Variants in RPS6KC1 observed in about 807,000 individuals in gnomAD.
RPS6KC1 encodes the protein ribosomal protein S6 kinase C1, also known as inactive ribosomal protein S6 kinase delta-1.
In RPS6KC1, 54 loss-of-function variants were observed where a neutral mutation model predicts 103.8. The ratio of observed to expected loss-of-function variants is 0.52; its 90% CI spans 0.42 to 0.65. The LOEUF is 0.65. Ranked by LOEUF, RPS6KC1 falls within the 30% of genes least tolerant of loss-of-function variation. The pLI, the probability that RPS6KC1 is intolerant of heterozygous loss-of-function variation, is 0.00. For synonymous variants in RPS6KC1, 439 were observed against 438.7 expected (o/e 1.00, Z -0.01); for missense variants, 1,151 against 1,253.8 (o/e 0.92, Z 1.24).
the RPS6KC1 span, among the ~76,000 whole-genome samples, chr1:213,808,647 G>A: frequency 2.0e-5 from 3 of 152,344 alleles, no homozygotes; most frequent in South Asian, 6.2e-4. Flanking sequence ...GCAGTATTTG[G>A]GTGGGAGTGA....
chr1:213,516,204 A>G, the RPS6KC1 span, among the ~76,000 whole-genome samples: 4 of 152,070 alleles, frequency 2.6e-5, no homozygotes, highest in Non-Finnish European at 5.9e-5. Flanking sequence ...CTCTTTTCCT[A>G]ATTGAATACC....
intron 12 of RPS6KC1, among the ~76,000 whole-genome samples, chr1:213,246,897 A>C (rs2094463193): frequency 3.3e-5 from 5 of 152,152 alleles, no homozygotes; most frequent in Admixed American, 3.3e-4. Context: ...CTCTTAAAGA[A>C]AAATACAAGA....
chr1:213,424,161 A>G, the RPS6KC1 span, among the ~76,000 whole-genome samples: 2 of 152,232 alleles, frequency 1.3e-5, no homozygotes, highest in African/African-American at 2.4e-5. Context: ...GGCAAGACCA[A>G]TTGAAGTGAG....
At chr1:213,169,763 A>T (rs533506788) in intron 7 of RPS6KC1, among the ~76,000 whole-genome samples, 1 of 151,160 alleles carries the variant, frequency 6.6e-6, no homozygotes, top group African/African-American at 2.4e-5. Flanking sequence ...AAGTTTTTTT[A>T]AATTTTTAAA....
chr1:213,188,589 T>G (rs1287715579), intron 8 of RPS6KC1, among the ~76,000 whole-genome samples: 2 of 152,136 alleles, frequency 1.3e-5, no homozygotes, highest in Admixed American at 1.3e-4. Context: ...TTTCTATGTA[T>G]GAACAATGCA....
intron 12 of RPS6KC1, among the ~76,000 whole-genome samples, chr1:213,256,730 G>C (rs2094653437): frequency 6.6e-6 from 1 of 152,128 alleles, no homozygotes; most frequent in South Asian, 2.1e-4. Flanking sequence ...CACATTTGGA[G>C]CAGTACATTG....
chr1:213,480,980 T>C, the RPS6KC1 span, among the ~76,000 whole-genome samples: 4 of 152,178 alleles, frequency 2.6e-5, no homozygotes, highest in Admixed American at 2.6e-4. Context: ...CAGATCCTTC[T>C]TTGACAGTGA....
chr1:213,608,621 C>T, the RPS6KC1 span, among the ~76,000 whole-genome samples: 21 of 151,812 alleles, frequency 1.4e-4, no homozygotes, highest in African/African-American at 4.8e-4. Context: ...AAAAGTAATT[C>T]CTGATCACTG....
chr1:213,536,213 A>G, the RPS6KC1 span, among the ~76,000 whole-genome samples: 1 of 152,196 alleles, frequency 6.6e-6, no homozygotes, highest in South Asian at 2.1e-4. Context: ...TTTATGCTGC[A>G]TAAAACGGAG....
At chr1:213,071,698 A>G (rs574256755) in intron 2 of RPS6KC1, among the ~76,000 whole-genome samples, 1 of 152,290 alleles carries the variant, frequency 6.6e-6, no homozygotes, top group East Asian at 1.9e-4. Flanking sequence ...TTGGTAACTA[A>G]TATTTATTTT....
At chr1:213,415,003 A>G in the RPS6KC1 span, among the ~76,000 whole-genome samples, 2 of 152,212 alleles carry the variant, frequency 1.3e-5, no homozygotes, top group African/African-American at 4.8e-5. Flanking sequence ...TGGCTTCTTC[A>G]CTGGAAAAGG....
chr1:213,139,499 A>G (rs537007347), intron 6 of RPS6KC1, among the ~76,000 whole-genome samples: 1 of 152,110 alleles, frequency 6.6e-6, no homozygotes, highest in African/African-American at 2.4e-5. Flanking sequence ...TCTTTAATCC[A>G]TCTTTAGTTG....
the RPS6KC1 span, among the ~76,000 whole-genome samples, chr1:213,398,953 C>A: frequency 6.6e-6 from 1 of 152,112 alleles, no homozygotes; most frequent in Non-Finnish European, 1.5e-5. Flanking sequence ...CAACAAACAA[C>A]CTTGGGCCCT....
the RPS6KC1 span, among the ~76,000 whole-genome samples, chr1:213,578,802 C>T: frequency 2.0e-5 from 3 of 152,170 alleles, no homozygotes; most frequent in African/African-American, 7.2e-5. Context: ...AGAGATTTGC[C>T]TTGCCTCAGA....
chr1:213,693,026 A>G, the RPS6KC1 span, among the ~76,000 whole-genome samples: 1 of 152,210 alleles, frequency 6.6e-6, no homozygotes, highest in African/African-American at 2.4e-5. Context: ...TAAAGGGCTT[A>G]ATGAGGACAG....
chr1:213,352,633 T>G, the RPS6KC1 span, among the ~76,000 whole-genome samples: 1 of 152,218 alleles, frequency 6.6e-6, no homozygotes, highest in Non-Finnish European at 1.5e-5. Context: ...GGAAGGAGGC[T>G]TCTACAATTT....
the RPS6KC1 span, among the ~76,000 whole-genome samples, chr1:213,358,348 T>C: frequency 6.6e-6 from 1 of 152,228 alleles, no homozygotes; most frequent in East Asian, 1.9e-4. Context: ...AACTTCTTCC[T>C]GGTTTAGTCT....
At chr1:213,604,315 A>T in the RPS6KC1 span, among the ~76,000 whole-genome samples, 1 of 152,244 alleles carries the variant, frequency 6.6e-6, no homozygotes, top group South Asian at 2.1e-4. Context: ...ATACTATCAC[A>T]TGGGCTTACA....
chr1:213,487,169 A>G, the RPS6KC1 span, among the ~76,000 whole-genome samples: 1 of 152,162 alleles, frequency 6.6e-6, no homozygotes, highest in Non-Finnish European at 1.5e-5. Flanking sequence ...TTGGGAGGCC[A>G]AGGCGGGTAG....
Sources: gnomAD v4.1 joint callset for allele counts (sites outside exome capture counted in the v4.1 genomes callset) on GRCh38, gnomAD v4.1.1 for gene constraint, MANE v1.5 for transcripts, NCBI Gene and HGNC (gene_info 2026-07-23, HGNC 2026-07-21) for gene names.